Variants in CREB5 observed in about 807,000 individuals in gnomAD.
The protein encoded by CREB5 is cAMP responsive element binding protein 5, also known as cyclic AMP-responsive element-binding protein 5.
In CREB5, 19 loss-of-function variants were observed where a neutral mutation model predicts 57.1. The ratio of observed to expected loss-of-function variants is 0.33; its 90% CI spans 0.23 to 0.49. The LOEUF is 0.49. Ranked by LOEUF, CREB5 falls within the 20% of genes least tolerant of loss-of-function variation. The pLI is 0.99. For synonymous variants in CREB5, 238 were observed against 238.3 expected (o/e 1.00, Z 0.01); for missense variants, 579 against 671.6 (o/e 0.86, Z 1.52).
chr7:28,661,997 C>T (rs750625674), intron 5 of CREB5, among the ~76,000 whole-genome samples: 11 of 152,176 alleles, frequency 7.2e-5, no homozygotes, highest in Admixed American at 5.2e-4. Context: ...GGATCTGTTT[C>T]CTGTGAGTGC....
intron 5 of CREB5, among the ~76,000 whole-genome samples, chr7:28,642,192 T>TGTTCATTGACATAAACCTGCTGTCG (rs1798685399): frequency 1.3e-5 from 2 of 152,264 alleles, no homozygotes; most frequent in Non-Finnish European, 2.9e-5. Flanking sequence ...CAATAAGTCT[T>TGTTCATTGACATAAACCTGCTGTCG]GTTCATTGAC....
intron 1 of CREB5, among the ~76,000 whole-genome samples, chr7:28,385,901 G>A (rs553519394): frequency 2.6e-5 from 4 of 152,144 alleles, no homozygotes; most frequent in Admixed American, 1.3e-4. Context: ...AGTGAACCCC[G>A]CTGGTAGGAA....
At chr7:28,559,925 G>A (rs1481382019) in intron 4 of CREB5, among the ~76,000 whole-genome samples, 3 of 152,212 alleles carry the variant, frequency 2.0e-5, no homozygotes, top group African/African-American at 7.2e-5. Flanking sequence ...CTGGGGTGCT[G>A]AGTAGAAGAT....
At chr7:28,593,138 T>A (rs1198613788) in intron 5 of CREB5, among the ~76,000 whole-genome samples, 1 of 152,250 alleles carries the variant, frequency 6.6e-6, no homozygotes, top group Non-Finnish European at 1.5e-5. Context: ...TTAACCATGA[T>A]GATAACCACA....
chr7:28,330,844 G>A (rs1785702825), intron 1 of CREB5, among the ~76,000 whole-genome samples: 2 of 152,184 alleles, frequency 1.3e-5, no homozygotes, highest in Admixed American at 6.5e-5. Context: ...AATATCCAAG[G>A]AAATTTGTGG....
intron 5 of CREB5, among the ~76,000 whole-genome samples, chr7:28,690,984 G>T (rs1056919130): frequency 6.6e-6 from 1 of 152,196 alleles, no homozygotes; most frequent in East Asian, 1.9e-4. Context: ...CCCATGATCT[G>T]GGTGGAGGGA....
chr7:28,540,680 T>C (rs1420714845), intron 4 of CREB5, among the ~76,000 whole-genome samples: 1 of 152,208 alleles, frequency 6.6e-6, no homozygotes, highest in Non-Finnish European at 1.5e-5. Context: ...TGTTCTGGCA[T>C]ATTTGTTTTC....
rs551536073 is a variant in CREB5, at chr7:28,818,243, G to A, written c.1363+64G>A. ...TATTTTTTGCCACTAAGTTTGCACT[G>A]AATTTGATTGAAAGAGCAAAAGTAA... On this transcript the variant is annotated intron_variant, in intron 10 of 10. Coordinates refer to ENST00000357727, the MANE Select transcript of CREB5 (RefSeq NM_182898.4). 202 of 1,129,014 alleles carry A rather than the reference G, an allele frequency of 1.8e-4. 4 individuals are homozygous for A. In the East Asian group the frequency reaches 4.7e-3, roughly 26 times the overall value. 69.9% of individuals were successfully genotyped at this position (1,129,014 alleles called of 1,614,324 possible). A position where few individuals can be genotyped will look rare whatever the true frequency, so the allele number is the denominator to read the frequency against.
intron 7 of CREB5, among the ~76,000 whole-genome samples, chr7:28,735,311 G>C (rs1231398507): frequency 6.6e-6 from 1 of 152,068 alleles, no homozygotes; most frequent in African/African-American, 2.4e-5. Context: ...ATCTAACCAA[G>C]ACTTTGATTA....
At chr7:28,524,398 A>G (rs978727528) in intron 4 of CREB5, among the ~76,000 whole-genome samples, 1 of 151,682 alleles carries the variant, frequency 6.6e-6, no homozygotes, top group Non-Finnish European at 1.5e-5. Flanking sequence ...CCACCTAATC[A>G]GGAGGCTGAG....
intron 5 of CREB5, among the ~76,000 whole-genome samples, chr7:28,658,310 C>T (rs897835302): frequency 3.9e-5 from 6 of 152,130 alleles, no homozygotes; most frequent in South Asian, 2.1e-4. Context: ...TGTGATTGTA[C>T]GAACTCAGAA....
intron 7 of CREB5, among the ~76,000 whole-genome samples, chr7:28,801,974 A>G (rs1808393844): frequency 6.7e-6 from 1 of 149,060 alleles, no homozygotes; most frequent in Non-Finnish European, 1.5e-5. Flanking sequence ...AGTCCCAGCT[A>G]CTCAGGAGGC....
intron 1 of CREB5, among the ~76,000 whole-genome samples, chr7:28,404,117 T>G (rs960944360): frequency 6.6e-6 from 1 of 152,228 alleles, no homozygotes; most frequent in African/African-American, 2.4e-5. Context: ...ATTTCACTTC[T>G]TGATGTGCAC....
chr7:28,548,734 T>G (rs1011249262), intron 4 of CREB5, among the ~76,000 whole-genome samples: 7 of 152,210 alleles, frequency 4.6e-5, no homozygotes, highest in Admixed American at 2.0e-4. Flanking sequence ...AAGGGCCAAT[T>G]AGCCCGAATT....
intron 7 of CREB5, among the ~76,000 whole-genome samples, chr7:28,776,397 C>A (rs962246497): frequency 8.6e-5 from 13 of 151,686 alleles, no homozygotes; most frequent in African/African-American, 2.9e-4. Context: ...TCATTCTCAC[C>A]CATTATATTC....
At chr7:28,411,296 A>G (rs959934979), upstream of CREB5, among the ~76,000 whole-genome samples, 6 of 152,198 alleles carry the variant, frequency 3.9e-5, no homozygotes, top group African/African-American at 1.4e-4. Flanking sequence ...TGCTGACAAA[A>G]TCAGGTTTAG....
intron 7 of CREB5, among the ~76,000 whole-genome samples, chr7:28,798,456 C>T (rs1348535834): frequency 6.6e-6 from 1 of 152,100 alleles, no homozygotes; most frequent in Non-Finnish European, 1.5e-5. Context: ...TGTGGGTGTA[C>T]CCAGGCTTCA....
chr7:28,716,830 A>C (rs947796810), intron 5 of CREB5, among the ~76,000 whole-genome samples: 1 of 152,182 alleles, frequency 6.6e-6, no homozygotes, highest in Non-Finnish European at 1.5e-5. Context: ...TGAAACCAGC[A>C]GTCTTCTAGA....
intron 10 of CREB5, chr7:28,818,709 AG>A (rs1809582542): frequency 2.2e-6 from 1 of 458,930 alleles, no homozygotes; most frequent in Non-Finnish European, 4.4e-6. Context: ...GGATGGTGGG[AG>A]GAGCAGGGAT....
Sources: gnomAD v4.1 joint callset for allele counts (sites outside exome capture counted in the v4.1 genomes callset) on GRCh38, gnomAD v4.1.1 for gene constraint, MANE v1.5 for transcripts, NCBI Gene and HGNC (gene_info 2026-07-23, HGNC 2026-07-21) for gene names.